Variants in DNAJC13 observed in about 807,000 individuals in gnomAD.
DNAJC13 encodes the protein dnaJ homolog subfamily C member 13.
A neutral mutation model predicts 290.5 loss-of-function variants in DNAJC13; 75 were observed. The ratio of observed to expected loss-of-function variants is 0.26; its 90% CI spans 0.21 to 0.31. The LOEUF is 0.31. Ranked by LOEUF, DNAJC13 falls within the 10% of genes least tolerant of loss-of-function variation. The probability of loss-of-function intolerance (pLI) is 1.00; values close to 1 mark genes in which losing one functional copy is unlikely to be tolerated. For synonymous variants in DNAJC13, 862 were observed against 892.0 expected, an observed-to-expected ratio of 0.97 and a Z score of 0.60; for missense variants, 2,260 against 2,674.5, an observed-to-expected ratio of 0.85 and a Z score of 3.42.
chr3:132,467,184 A>G lies in DNAJC13; in HGVS notation c.2079A>G (p.Lys693=). The part of the protein sequence containing the change: ...NVKIAMDQYG[K]FNKVPEWQRL... ...TTATTTTACAGGATCAGTATGGAAA[A>G]TTTAATAAAGTTCCAGAGTGGCAAA... Residue 693 remains lysine, a synonymous_variant, in exon 20 of 56, where the codon AAA becomes AAG. Transcript: ENST00000260818. The G allele has an allele frequency of 6.2e-7, 1 of 1,612,046 alleles. No individual in the cohort carries two copies.
intron 15 of DNAJC13, among the ~76,000 whole-genome samples, 190 bp from the exon 16 acceptor site, chr3:132,462,277 C>G (rs529399762): frequency 3.3e-5 from 5 of 152,124 alleles, no homozygotes; most frequent in Admixed American, 3.3e-4. Flanking sequence ...GTTTATGTGT[C>G]TGTATCTCTA....
intron 38 of DNAJC13, 71 bp from the exon 39 acceptor site, chr3:132,500,723 A>T: frequency 6.3e-7 from 1 of 1,590,714 alleles, no homozygotes; most frequent in Non-Finnish European, 8.6e-7. Context: ...TGCTGGTTTG[A>T]TTTCTATGTG....
chr3:132,511,131 C>T lies in DNAJC13; in HGVS notation c.5180C>T (p.Thr1727Ile), dbSNP rs1372908127. The change falls in exon 44 of 56, where the codon ACA (threonine) becomes ATA (isoleucine). Residue 1727 changes from threonine to isoleucine, a missense_variant. Coordinates refer to ENST00000260818, the MANE Select transcript of DNAJC13 (RefSeq NM_015268.4). ...GGCTCGCAGGCCCAATACTTGCACACATTCATGGCCATCACACACGCGGCA... is the reference window on the plus strand; with the variant it reads ...GGCTCGCAGGCCCAATACTTGCACATATTCATGGCCATCACACACGCGGCA... ...YIGSQAQYLH[T>I]FMAITHAAKV... The T allele has an allele frequency of 1.9e-6, 3 of 1,613,986 alleles. No individual in the cohort carries two copies. Among genetic ancestry groups the T allele is most frequent in the Non-Finnish European group, 2.5e-6 (3 of 1,179,948 alleles).
At chr3:132,426,088 AT>A (rs143470222) in intron 1 of DNAJC13, among the ~76,000 whole-genome samples, 15,816 of 152,196 alleles carry the variant, frequency 0.1, 1,023 homozygotes, top group South Asian at 0.17. Context: ...AAATTAGAGA[AT>A]GCAAGAATAT....
Position 132,488,470 on chromosome 3 carries a change from A to G in DNAJC13, c.3422+18A>G, listed in dbSNP as rs185498805. 182 of 1,591,008 alleles carry G rather than the reference A, an allele frequency of 1.1e-4. No homozygotes were observed. In the African/African-American group the frequency reaches 2.0e-3, roughly 18 times the overall value. On this transcript the variant is annotated intron_variant, in intron 30 of 55. Transcript: ENST00000260818. ...GTTGCTCGGTAAGAACTTTAAGGGTAATCTATTTAAAAGTATTATTTGAAT... is the reference window on the plus strand; with the variant it reads ...GTTGCTCGGTAAGAACTTTAAGGGTGATCTATTTAAAAGTATTATTTGAAT...
At chr3:132,510,034 T>C (rs910076467) in intron 43 of DNAJC13, among the ~76,000 whole-genome samples, 4 of 152,154 alleles carry the variant, frequency 2.6e-5, no homozygotes, top group Non-Finnish European at 4.4e-5. Context: ...TGTTGAAGAA[T>C]TGAATTTTGT....
At chr3:132,502,549 T>C in intron 40 of DNAJC13, 81 bp downstream of exon 40, 2 of 1,252,180 alleles carry the variant, frequency 1.6e-6, no homozygotes, top group Middle Eastern at 2.4e-4. Context: ...AAAGCTGCTA[T>C]CCAGAGTCCC....
At chr3:132,438,691 C>T (rs1447155107) in intron 2 of DNAJC13, among the ~76,000 whole-genome samples, 1 of 152,154 alleles carries the variant, frequency 6.6e-6, no homozygotes, top group African/African-American at 2.4e-5. Flanking sequence ...TTGTGTGACC[C>T]ATTTCTGTTA....
chr3:132,523,442 TG>T, intron 50 of DNAJC13, 97 bp from the exon 51 acceptor site: 2 of 1,377,560 alleles, frequency 1.5e-6, no homozygotes, highest in Non-Finnish European at 2.0e-6. Flanking sequence ...TGGCTGTTTG[TG>T]GACTGGTTAA....
At chr3:132,448,461 C>T in intron 5 of DNAJC13, among the ~76,000 whole-genome samples, 1 of 152,178 alleles carries the variant, frequency 6.6e-6, no homozygotes, top group African/African-American at 2.4e-5. Context: ...CTTAACTTTC[C>T]CAGGCCTTTT....
intron 48 of DNAJC13, among the ~76,000 whole-genome samples, chr3:132,519,737 G>C (rs1235442591): frequency 2.0e-5 from 3 of 151,948 alleles, no homozygotes; most frequent in African/African-American, 7.3e-5. Flanking sequence ...TTAGGTTTAT[G>C]TTTTTGATCC....
At chr3:132,469,634 G>C (rs1012805226) in intron 20 of DNAJC13, among the ~76,000 whole-genome samples, 1 of 152,122 alleles carries the variant, frequency 6.6e-6, no homozygotes, top group Non-Finnish European at 1.5e-5. Context: ...TTTAGGAAAA[G>C]ATTTGTCATT....
intron 51 of DNAJC13, among the ~76,000 whole-genome samples, chr3:132,525,336 G>A (rs1242830694): frequency 1.3e-5 from 2 of 151,990 alleles, no homozygotes; most frequent in South Asian, 2.1e-4. Context: ...GCGAAACTCC[G>A]TCTCAAAAAA....
In DNAJC13 at chr3:132,499,195, ACCT is replaced by A; in HGVS notation, c.4230_4232del (p.Leu1411del). ...ACTATAACAATGGAAACTTCAGATGACCTCCTTTTCTCAAAAGAATCACCATTG... is the reference window on the plus strand; with the variant it reads ...ACTATAACAATGGAAACTTCAGATGACCTTTTCTCAAAAGAATCACCATTG... On this transcript the variant is annotated inframe_deletion, in exon 37 of 56. Transcript: ENST00000260818. 6.2e-7 allele frequency: 1 copy of A among 1,613,924 alleles called. No individual in the cohort carries two copies. The highest frequency in any genetic ancestry group is 8.5e-7 in the Non-Finnish European group (1 of 1,179,918).
At chr3:132,464,657 T>TAACAC (rs1294491584) in intron 17 of DNAJC13, among the ~76,000 whole-genome samples, 1 of 152,138 alleles carries the variant, frequency 6.6e-6, no homozygotes, top group Non-Finnish European at 1.5e-5. Context: ...CTCCCTCACT[T>TAACAC]GTGTTAAGAA....
At chr3:132,507,811 A>G (rs549435932) in intron 43 of DNAJC13, among the ~76,000 whole-genome samples, 182 of 152,262 alleles carry the variant, frequency 1.2e-3, no homozygotes, top group Non-Finnish European at 2.2e-3. Flanking sequence ...TAGGCCAGTT[A>G]ATAACCCTGC....
intron 2 of DNAJC13, among the ~76,000 whole-genome samples, chr3:132,435,446 T>C (rs554331394): frequency 5.2e-4 from 79 of 152,342 alleles, no homozygotes; most frequent in Non-Finnish European, 1.0e-3. Flanking sequence ...TTTCATTTTT[T>C]AGTCACTGGA....
At chr3:132,523,859 C>T in intron 51 of DNAJC13, 146 bp downstream of exon 51, 1 of 749,474 alleles carries the variant, frequency 1.3e-6, no homozygotes, top group Non-Finnish European at 2.0e-6. Context: ...TCACATATGC[C>T]CCTCGATCAT....
At chr3:132,472,104 C>A (rs1426477020) in intron 20 of DNAJC13, among the ~76,000 whole-genome samples, 1 of 150,108 alleles carries the variant, frequency 6.7e-6, no homozygotes, top group Admixed American at 6.6e-5. Flanking sequence ...GGCGTGGCGG[C>A]GCGTGCCTGC....
Sources: gnomAD v4.1 joint callset for allele counts (sites outside exome capture counted in the v4.1 genomes callset) on GRCh38, gnomAD v4.1.1 for gene constraint, MANE v1.5 for transcripts, NCBI Gene and HGNC (gene_info 2026-07-23, HGNC 2026-07-21) for gene names.